CAND2: variants seen among roughly 807,000 people sequenced by gnomAD.
CAND2 encodes cullin associated and neddylation dissociated 2 (putative).
In CAND2, 62 loss-of-function variants were observed where a neutral mutation model predicts 98.9. The observed-to-expected ratio is 0.63, with a 90% CI of 0.51 to 0.77. CAND2 has a LOEUF of 0.77. Ranked by LOEUF, CAND2 falls within the 30% of genes least tolerant of loss-of-function variation. The pLI is 0.00. For synonymous variants in CAND2, 770 were observed against 731.9 expected (o/e 1.05, Z -0.84); for missense variants, 1,501 against 1,655.2 (o/e 0.91, Z 1.62).
At chr3:12,824,975 G>A (rs1008070043) in intron 11 of CAND2, among the ~76,000 whole-genome samples, 2 of 152,154 alleles carry the variant, frequency 1.3e-5, no homozygotes, top group Admixed American at 6.5e-5. Flanking sequence ...AAGTGCTGGT[G>A]ACTCTGTGTA....
intron 13 of CAND2, among the ~76,000 whole-genome samples, chr3:12,830,145 G>C (rs769781338): frequency 3.9e-5 from 6 of 152,134 alleles, no homozygotes; most frequent in African/African-American, 1.4e-4. Flanking sequence ...CTGTCTGCCT[G>C]TCTCCCCCTC....
Position 12,815,882 on chromosome 3 carries a change from A to C in CAND2, c.1315A>C (p.Lys439Gln). 1 of 1,613,688 alleles carries C rather than the reference A, an allele frequency of 6.2e-7. No individual in the cohort carries two copies. Among genetic ancestry groups the C allele is most frequent in the Non-Finnish European group, 8.5e-7 (1 of 1,179,902 alleles). The part of the protein sequence containing the change: ...MLRGQVPLVV[K>Q]ALQRQLKDRS... ...CTGCCCACAGGTGCCCCTTGTGGTC[A>C]AGGCCCTGCAGCGGCAGCTTAAAGA... The change falls in exon 9 of 15, where the codon AAG becomes CAG. Residue 439 changes from lysine (K) to glutamine (Q), a missense_variant. By Grantham distance (53) the Lys-to-Gln change is moderately conservative. Transcript: ENST00000456430. This position sits in a 1 kb window ranked among gnomAD's most constrained non-coding sequence, Gnocchi z 5.7.
At position 12,817,406 on chromosome 3, in the gene CAND2, G is replaced by A. The variant is rs747643034; in HGVS notation, c.2474G>A (p.Arg825His). Residue 825 changes from arginine to histidine, a missense_variant, in exon 10 of 15, where the codon CGC becomes CAC. This residue lies in a region of CAND2 where 1,427 missense variants were observed against 1,545.3 expected (regional missense o/e 0.92). Transcript: ENST00000456430. Reference protein sequence around the residue: ...CPQEAASTASRLVCDARSPHS... With the variant: ...CPQEAASTASHLVCDARSPHS... ...CAAGAGGCGGCAAGCACAGCCAGTC[G>A]CCTGGTCTGCGATGCCAGGTCGCCC... The A allele has an allele frequency of 4.0e-5, 65 of 1,613,718 alleles. No homozygotes were observed. The highest frequency in any genetic ancestry group is 4.6e-5 in the Non-Finnish European group (54 of 1,180,020).
At chr3:12,798,840 G>C (rs531616897) in intron 1 of CAND2, among the ~76,000 whole-genome samples, 1 of 152,186 alleles carries the variant, frequency 6.6e-6, no homozygotes, top group East Asian at 1.9e-4. Flanking sequence ...CCAGGCGTCC[G>C]TGTGGCCAAG....
At chr3:12,831,088 G>C (rs1375691642) in intron 13 of CAND2, among the ~76,000 whole-genome samples, 4 of 151,790 alleles carry the variant, frequency 2.6e-5, no homozygotes, top group Admixed American at 2.6e-4. Flanking sequence ...ATGAAAATTG[G>C]GATTTCTTTT....
chr3:12,833,441 A>G (rs1203584236), intron 14 of CAND2, among the ~76,000 whole-genome samples: 1 of 152,190 alleles, frequency 6.6e-6, no homozygotes, highest in Non-Finnish European at 1.5e-5. Flanking sequence ...GTAGGAGGTA[A>G]GTATGGGAAC....
chr3:12,833,864 CCAT>C lies in CAND2; in HGVS notation c.3597_3599del (p.Ile1199del). 3 of 1,614,202 alleles carry C rather than the reference CCAT, an allele frequency of 1.9e-6. No homozygotes were observed. Among genetic ancestry groups the C allele is most frequent in the Non-Finnish European group, 2.5e-6 (3 of 1,180,034 alleles). On this transcript the variant is annotated inframe_deletion, in exon 15 of 15. Transcript: ENST00000456430. ...ACCATCCCCGAGGTGGGGAAAAGCCCCATCATGGCCGACTTCTCTTCCCAAATC... is the reference window on the plus strand; with the variant it reads ...ACCATCCCCGAGGTGGGGAAAAGCCCCATGGCCGACTTCTCTTCCCAAATC...
chr3:12,822,907 T>G (rs7634346), intron 11 of CAND2, among the ~76,000 whole-genome samples: 3,014 of 152,210 alleles, frequency 0.02, 90 homozygotes, highest in African/African-American at 0.068. Flanking sequence ...TCTTTGTCCC[T>G]CCTTCTTTCC....
Position 12,815,518 on chromosome 3 carries a change from C to A in CAND2, c.1299+85C>A. 1 of 1,368,312 alleles carries A rather than the reference C, an allele frequency of 7.3e-7. No individual in the cohort carries two copies. The highest frequency in any genetic ancestry group is 1.0e-6 in the Non-Finnish European group (1 of 1,001,086). 84.8% of individuals were successfully genotyped at this position (1,368,312 alleles called of 1,614,324 possible). A position where few individuals can be genotyped will look rare whatever the true frequency, so the allele number is the denominator to read the frequency against. ...AGTGTCCCTGGACTTGGAAACTCAG[C>A]TGGGAGAACATCCAGCCATGGAAGG... On this transcript the variant is annotated intron_variant, in intron 8 of 14. Transcript: ENST00000456430. This position sits in a 1 kb window ranked among gnomAD's most constrained non-coding sequence, Gnocchi z 5.7.
chr3:12,814,172 C>T (rs990208170), intron 7 of CAND2, among the ~76,000 whole-genome samples: 8 of 152,162 alleles, frequency 5.3e-5, no homozygotes, highest in Non-Finnish European at 1.0e-4. Context: ...CTGAGCTGCC[C>T]GGTGGCCGTG....
At chr3:12,811,124 T>TGG (rs58543831) in intron 5 of CAND2, among the ~76,000 whole-genome samples, 10,424 of 144,168 alleles carry the variant, frequency 0.072, 451 homozygotes, top group African/African-American at 0.15. Flanking sequence ...CGGCGGGGGG[T>TGG]GGGGGGGGGA....
chr3:12,809,067 G>A (rs2061829593), intron 4 of CAND2, among the ~76,000 whole-genome samples: 1 of 152,148 alleles, frequency 6.6e-6, no homozygotes, highest in Non-Finnish European at 1.5e-5. Flanking sequence ...GCTGCTATAG[G>A]GAAAGCAATT....
chr3:12,808,752 T>G (rs560494973), intron 4 of CAND2, among the ~76,000 whole-genome samples: 9 of 152,150 alleles, frequency 5.9e-5, no homozygotes, highest in Non-Finnish European at 1.3e-4. Flanking sequence ...AAGAGAGTGC[T>G]GCTAGAGCTG....
chr3:12,807,258 C>T (rs1407320609), intron 2 of CAND2, 48 bp from the exon 3 acceptor site: 4 of 1,527,536 alleles, frequency 2.6e-6, no homozygotes, highest in East Asian at 4.9e-5. Flanking sequence ...CAGCCTGACT[C>T]AGGCTGAACC....
chr3:12,801,194 C>T (rs977000780), intron 1 of CAND2, among the ~76,000 whole-genome samples: 31 of 151,928 alleles, frequency 2.0e-4, no homozygotes, highest in African/African-American at 6.3e-4. Flanking sequence ...TCTGCCACCG[C>T]GCTCGGCTAA....
At chr3:12,802,053 C>T (rs1424388436) in intron 1 of CAND2, among the ~76,000 whole-genome samples, 8 of 152,296 alleles carry the variant, frequency 5.3e-5, no homozygotes, top group East Asian at 1.9e-4. Context: ...CTTGGCTGGG[C>T]GCGGTGGCTC....
intron 11 of CAND2, among the ~76,000 whole-genome samples, chr3:12,823,884 G>A (rs557653591): frequency 1.2e-4 from 19 of 152,368 alleles, no homozygotes; most frequent in African/African-American, 4.6e-4. Flanking sequence ...GCGACAGAGC[G>A]AGACTGTCTT....
At position 12,822,264 on chromosome 3, in the gene CAND2, A is replaced by C. The variant is rs2061962210; in HGVS notation, c.3040+2083A>C. 2.0e-5 allele frequency among the ~76,000 whole-genome samples: 3 copies of C among 149,980 alleles called. 1 individual carries two copies. The South Asian group carries it at 6.3e-4, about 32-fold the overall frequency. On this transcript the variant is annotated intron_variant, in intron 11 of 14. Coordinates refer to ENST00000456430, the MANE Select transcript of CAND2 (RefSeq NM_001162499.2). ...ATTTTGATGCATTGGAAGCCCTTCAAGCTGGTTCCTATTTTTTATTGACAT... is the reference window on the plus strand; with the variant it reads ...ATTTTGATGCATTGGAAGCCCTTCACGCTGGTTCCTATTTTTTATTGACAT...
In CAND2 at chr3:12,819,162, T is replaced by C. The variant is rs139262008; in HGVS notation, c.2945-924T>C. Among the ~76,000 whole-genome samples, 99 of 152,326 alleles carry C rather than the reference T, an allele frequency of 6.5e-4. 1 individual carries two copies. The highest frequency in any genetic ancestry group is 2.1e-3 in the African/African-American group (87 of 41,562). On this transcript the variant is annotated intron_variant, in intron 10 of 14. Transcript: ENST00000456430. ...GTTTTCAGTTCACTTAATCTTACTC[T>C]CTTGTGCCTGTCTTCATCAGCCACC...
Sources: allele counts gnomAD v4.1 joint callset (sites outside exome capture counted in the v4.1 genomes callset), GRCh38; gene constraint gnomAD v4.1.1; regional missense constraint gnomAD v4.1.1; non-coding constraint Gnocchi (gnomAD v3.1); transcripts MANE v1.5; gene names NCBI Gene and HGNC (gene_info 2026-07-23, HGNC 2026-07-21).